KLHL32: variants seen among roughly 807,000 people sequenced by gnomAD.
The protein encoded by KLHL32 is kelch-like protein 32.
Under a neutral mutation model 64.8 loss-of-function variants are expected in KLHL32, and 35 were observed. The observed-to-expected ratio is 0.54, with a 90% CI of 0.41 to 0.72. The LOEUF (loss-of-function observed/expected upper bound fraction) is 0.72, where lower values mean the gene tolerates loss of function less well. Ranked by LOEUF, KLHL32 falls within the 30% of genes least tolerant of loss-of-function variation. The pLI is 0.00. For missense variants in KLHL32, 589 were observed against 768.5 expected, an observed-to-expected ratio of 0.77 and a Z score of 2.76; for synonymous variants, 259 against 281.0, an observed-to-expected ratio of 0.92 and a Z score of 0.78.
rs1225462842 is a variant in KLHL32 at position 97,114,237 on chromosome 6, G to A, written c.1082G>A (p.Arg361Gln). The A allele has an allele frequency of 1.9e-6, 3 of 1,613,958 alleles. No individual in the cohort carries two copies. The highest frequency in any genetic ancestry group is 1.1e-5 in the South Asian group (1 of 91,076). The change falls in exon 7 of 11, where the codon CGG becomes CAG. Residue 361 changes from arginine (R) to glutamine (Q), a missense_variant. Physicochemically the swap from Arg to Gln is conservative, Grantham distance 43. This residue lies in a region of KLHL32 where 226 missense variants were observed against 353.2 expected (regional missense o/e 0.64). Coordinates refer to ENST00000369261, the MANE Select transcript of KLHL32 (RefSeq NM_052904.4). Reference protein sequence around the residue: ...AGGEVEHASGRTCAVRTACRY... With the variant: ...AGGEVEHASGQTCAVRTACRY... ...GGGGAAGTTGAGCATGCCAGTGGCCGGACGTGTGCTGTGAGGACTGCCTGT... is the reference window on the plus strand; with the variant it reads ...GGGGAAGTTGAGCATGCCAGTGGCCAGACGTGTGCTGTGAGGACTGCCTGT...
intron 6 of KLHL32, 51 bp downstream of exon 6, chr6:97,085,392 T>C (rs746902721): frequency 1.3e-5 from 19 of 1,508,160 alleles, no homozygotes; most frequent in Non-Finnish European, 1.7e-5. Flanking sequence ...CATGCCGTGA[T>C]TGGAAGTTAA....
intron 3 of KLHL32, among the ~76,000 whole-genome samples, chr6:96,987,125 G>A (rs535393773): frequency 2.6e-5 from 4 of 152,046 alleles, no homozygotes; most frequent in South Asian, 2.1e-4. Context: ...TCTTGCTAGC[G>A]GTCTATCAAT....
chr6:97,033,032 A>G (rs944355047), intron 3 of KLHL32, among the ~76,000 whole-genome samples: 7 of 152,116 alleles, frequency 4.6e-5, no homozygotes, highest in Admixed American at 1.3e-4. Flanking sequence ...GGGAATACAT[A>G]AAAGAAACTT....
chr6:97,069,022 C>A (rs1790271283), intron 5 of KLHL32, among the ~76,000 whole-genome samples: 1 of 152,012 alleles, frequency 6.6e-6, no homozygotes. Context: ...GTAAGGGAAA[C>A]AGAGAAGGGG....
At chr6:96,940,336 G>A (rs1771135289) in intron 1 of KLHL32, among the ~76,000 whole-genome samples, 1 of 152,172 alleles carries the variant, frequency 6.6e-6, no homozygotes, top group Non-Finnish European at 1.5e-5. Flanking sequence ...TGATTAGGTA[G>A]AGAGGGATAA....
At chr6:97,023,825 C>T (rs1782348549) in intron 3 of KLHL32, among the ~76,000 whole-genome samples, 1 of 152,192 alleles carries the variant, frequency 6.6e-6, no homozygotes, top group African/African-American at 2.4e-5. Flanking sequence ...GGTCTCTCTT[C>T]TCTTCAACTT....
chr6:97,051,106 G>C (rs558478056), intron 4 of KLHL32, among the ~76,000 whole-genome samples: 34 of 152,302 alleles, frequency 2.2e-4, no homozygotes, highest in Admixed American at 2.2e-3. Flanking sequence ...AACCCACTGT[G>C]GGCTAAGGTG....
rs1786700593 is a variant in KLHL32 at position 97,050,461 on chromosome 6, G to C, written c.312+8862G>C. Among the ~76,000 whole-genome samples the C allele has an allele frequency of 2.0e-5, 3 of 152,220 alleles. No individual in the cohort carries two copies. In the South Asian group the frequency reaches 6.2e-4, roughly 32 times the overall value. ...GGCTTTGGCTTTTATTGTGGGGCAG[G>C]GGCAAGGGCTACCCGCAGGTAGGGC... is the stretch of plus-strand genomic sequence containing the variant. On this transcript the variant is annotated intron_variant, in intron 4 of 10. Transcript: ENST00000369261.
rs200063242 is a variant in KLHL32, at chr6:96,966,670, G to A, written c.-65-326G>A. 6.6e-5 allele frequency among the ~76,000 whole-genome samples: 10 copies of A among 152,288 alleles called. No individual in the cohort carries two copies. In the East Asian group the frequency reaches 1.2e-3, roughly 18 times the overall value. On this transcript the variant is annotated intron_variant, in intron 1 of 10. Transcript: ENST00000369261. ...TAGTATTTGTGGTTTAGATCATTGT[G>A]TCTTTATTTTATCCAATCTTAATTT... is the stretch of plus-strand genomic sequence containing the variant.
intron 3 of KLHL32, among the ~76,000 whole-genome samples, chr6:97,033,582 A>T (rs1012678296): frequency 6.6e-6 from 1 of 152,012 alleles, no homozygotes; most frequent in Non-Finnish European, 1.5e-5. Flanking sequence ...TTCTTTTTAA[A>T]TTTTTTTTAG....
chr6:96,937,989 C>A (rs1314225847), intron 1 of KLHL32, among the ~76,000 whole-genome samples: 1 of 152,196 alleles, frequency 6.6e-6, no homozygotes, highest in Admixed American at 6.5e-5. Context: ...TGTAAATAAA[C>A]ACACTCTCAG....
chr6:96,964,232 G>A (rs1340292478), intron 1 of KLHL32, among the ~76,000 whole-genome samples: 2 of 152,166 alleles, frequency 1.3e-5, no homozygotes, highest in African/African-American at 4.8e-5. Context: ...AAACAGCCTT[G>A]GGTTAATCCA....
intron 3 of KLHL32, among the ~76,000 whole-genome samples, chr6:97,036,826 G>A (rs1290020641): frequency 1.3e-5 from 2 of 152,192 alleles, no homozygotes; most frequent in Admixed American, 1.3e-4. Context: ...TGCAAGGCAT[G>A]GGCTCCAGGC....
At chr6:97,130,535 T>A (rs1799324810) in intron 8 of KLHL32, among the ~76,000 whole-genome samples, 1 of 152,190 alleles carries the variant, frequency 6.6e-6, no homozygotes, top group Non-Finnish European at 1.5e-5. Context: ...CTAGAGGAGA[T>A]GCCGTGTGTA....
chr6:96,982,939 G>A lies in KLHL32; in HGVS notation c.204+6762G>A, dbSNP rs112802269. Among the ~76,000 whole-genome samples the A allele has an allele frequency of 2.0e-3, 304 of 152,242 alleles. 2 individuals are homozygous for A. The highest frequency in any genetic ancestry group is 7.2e-3 in the African/African-American group (297 of 41,462). ...TATGTTCAATAGGAGTGGTGAGAGA[G>A]GGCATCCCTGTCTTGTGCCAGTTTT... On this transcript the variant is annotated intron_variant, in intron 3 of 10. Coordinates refer to ENST00000369261, the MANE Select transcript of KLHL32 (RefSeq NM_052904.4).
chr6:97,111,287 A>G (rs1052662052), intron 6 of KLHL32, among the ~76,000 whole-genome samples: 1 of 152,378 alleles, frequency 6.6e-6, no homozygotes, highest in Non-Finnish European at 1.5e-5. Flanking sequence ...GTCTGAGGAC[A>G]AGAAGAGACA....
chr6:97,062,095 C>A (rs1281597199), intron 4 of KLHL32, among the ~76,000 whole-genome samples: 1 of 152,150 alleles, frequency 6.6e-6, no homozygotes, highest in Admixed American at 6.5e-5. Flanking sequence ...TAAAAAAAGA[C>A]AAAAACAATC....
Position 97,139,133 on chromosome 6 carries a change from A to C in KLHL32, c.1714A>C (p.Ser572Arg), listed in dbSNP as rs1217621413. The C allele has an allele frequency of 6.2e-7, 1 of 1,613,710 alleles. No individual in the cohort carries two copies. The highest frequency in any genetic ancestry group is 1.7e-5 in the Admixed American group (1 of 59,962). The change falls in exon 11 of 11, where the codon AGC (serine) becomes CGC (arginine). Residue 572 changes from serine to arginine, a missense_variant. This residue lies in a region of KLHL32 where 172 missense variants were observed against 192.0 expected (regional missense o/e 0.90). Coordinates refer to ENST00000369261, the MANE Select transcript of KLHL32 (RefSeq NM_052904.4). ...PLACIQVLDV[S>R]REGKEEVFYG... is the part of the protein sequence containing the mutation. The stretch of plus-strand genomic sequence containing the variant: ...TCCTCTTTTGTAGGTACTGGATGTA[A>C]GCAGAGAAGGCAAAGAAGAAGTATT...
At chr6:97,085,936 A>G (rs1228915968) in intron 6 of KLHL32, among the ~76,000 whole-genome samples, 1 of 152,198 alleles carries the variant, frequency 6.6e-6, no homozygotes, top group Admixed American at 6.5e-5. Flanking sequence ...TGTCTAGAGG[A>G]CAGGAGGATG....
Sources: gnomAD v4.1 joint callset for allele counts (sites outside exome capture counted in the v4.1 genomes callset) on GRCh38, gnomAD v4.1.1 for gene constraint, gnomAD v4.1.1 regional missense constraint, MANE v1.5 for transcripts, NCBI Gene and HGNC (gene_info 2026-07-23, HGNC 2026-07-21) for gene names.